Variants in GLG1 observed in about 807,000 individuals in gnomAD.
GLG1 encodes golgi glycoprotein 1, also known as Golgi apparatus protein 1.
A neutral mutation model predicts 160.5 loss-of-function variants in GLG1; 38 were observed. The ratio of observed to expected loss-of-function variants is 0.24; its 90% CI spans 0.18 to 0.31. GLG1 has a LOEUF of 0.31. Ranked by LOEUF, GLG1 falls within the 10% of genes least tolerant of loss-of-function variation. GLG1 has a pLI of 1.00. For synonymous variants in GLG1, 644 were observed against 543.4 expected (o/e 1.19, Z -2.57); for missense variants, 1,373 against 1,505.2 (o/e 0.91, Z 1.45).
rs2014977147 is a variant in GLG1 at position 74,465,764 on chromosome 16, T to C, written c.2579A>G (p.His860Arg). ...ENKKQLSTRC[H>R]QKVFKLQETE... ...CTCCTGCAGCTTAAATACTTTTTGG[T>C]GGCAGCGGGTGCTTAGCTGCTTCTT... is the stretch of plus-strand genomic sequence containing the variant. The change falls in exon 19 of 26, where the codon CAC (histidine) becomes CGC (arginine). Residue 860 changes from histidine to arginine, a missense_variant. Coordinates refer to ENST00000422840, the MANE Select transcript of GLG1 (RefSeq NM_001145667.2). 1 of 1,613,300 alleles carries C rather than the reference T, an allele frequency of 6.2e-7. No individual in the cohort carries two copies. Among genetic ancestry groups the C allele is most frequent in the East Asian group, 2.2e-5 (1 of 44,888 alleles).
At chr16:74,547,632 G>A (rs905629331) in intron 1 of GLG1, among the ~76,000 whole-genome samples, 1 of 152,238 alleles carries the variant, frequency 6.6e-6, no homozygotes, top group East Asian at 1.9e-4. Context: ...AAAATGCTTT[G>A]AATGAAAGTG....
At chr16:74,533,871 C>T (rs982301423) in intron 1 of GLG1, among the ~76,000 whole-genome samples, 1 of 152,070 alleles carries the variant, frequency 6.6e-6, no homozygotes, top group African/African-American at 2.4e-5. Context: ...TAAATATTAT[C>T]AATTTAGGTA....
At chr16:74,577,308 G>A (rs374041561) in intron 1 of GLG1, among the ~76,000 whole-genome samples, 2 of 152,040 alleles carry the variant, frequency 1.3e-5, no homozygotes, top group African/African-American at 2.4e-5. Context: ...GATCACCCAA[G>A]GTCAGGAGTT....
chr16:74,573,007 T>G (rs2018879442), intron 1 of GLG1, among the ~76,000 whole-genome samples: 1 of 152,272 alleles, frequency 6.6e-6, no homozygotes, highest in South Asian at 2.1e-4. Context: ...CAGAATTATC[T>G]GCAGAATTGG....
At chr16:74,577,943 T>C (rs1359649768) in intron 1 of GLG1, among the ~76,000 whole-genome samples, 5 of 151,616 alleles carry the variant, frequency 3.3e-5, no homozygotes, top group East Asian at 2.0e-4. Context: ...GAGGCCAAGG[T>C]AGGAGGATTA....
chr16:74,563,630 G>C (rs1000374227), intron 1 of GLG1, among the ~76,000 whole-genome samples: 4 of 151,784 alleles, frequency 2.6e-5, no homozygotes, highest in Admixed American at 6.6e-5. Flanking sequence ...GCGAGGCTGA[G>C]GTGGGAGAAC....
intron 2 of GLG1, among the ~76,000 whole-genome samples, chr16:74,514,216 T>G (rs1338533881): frequency 6.6e-6 from 1 of 152,132 alleles, no homozygotes; most frequent in Admixed American, 6.6e-5. Flanking sequence ...AAAACAATCT[T>G]CAGGATATTA....
chr16:74,542,736 A>AAGGAAG (rs1567513923), intron 1 of GLG1, among the ~76,000 whole-genome samples: 10 of 5,866 alleles, frequency 1.7e-3, no homozygotes, highest in East Asian at 9.8e-3. Flanking sequence ...GAAGGAAGGG[A>AAGGAAG]GGAAGGAAGG....
At chr16:74,545,481 C>T (rs1438172638) in intron 1 of GLG1, among the ~76,000 whole-genome samples, 1 of 152,126 alleles carries the variant, frequency 6.6e-6, no homozygotes, top group East Asian at 1.9e-4. Flanking sequence ...CCATGCCTGA[C>T]CCACTCCACC....
Position 74,456,762 on chromosome 16 carries a change from G to C in GLG1, c.3266-7C>G. ...TCCATGAGACAGGACATTTCTGTGG[G>C]AGGAAATGAATAATAAGAAGAACCT... On this transcript the variant is annotated splice_region_variant and splice_polypyrimidine_tract_variant and intron_variant, in intron 24 of 25. Coordinates refer to ENST00000422840, the MANE Select transcript of GLG1 (RefSeq NM_001145667.2). 1 of 1,531,198 alleles carries C rather than the reference G, an allele frequency of 6.5e-7. No homozygotes were observed. Among genetic ancestry groups the C allele is most frequent in the Non-Finnish European group, 9.1e-7 (1 of 1,104,320 alleles). 94.9% of individuals were successfully genotyped at this position (1,531,198 alleles called of 1,614,324 possible).
At chr16:74,478,491 G>A (rs576026762) in intron 11 of GLG1, among the ~76,000 whole-genome samples, 2 of 152,186 alleles carry the variant, frequency 1.3e-5, no homozygotes, top group Non-Finnish European at 2.9e-5. Context: ...TGGGGCAGGA[G>A]GGATGGAAAG....
intron 1 of GLG1, among the ~76,000 whole-genome samples, chr16:74,558,117 A>G (rs2018402845): frequency 6.6e-6 from 1 of 152,142 alleles, no homozygotes; most frequent in Admixed American, 6.5e-5. Flanking sequence ...TGATTTTCAT[A>G]TATTATATAC....
chr16:74,508,313 C>CAAA (rs35839355), intron 3 of GLG1, among the ~76,000 whole-genome samples: 1 of 106,212 alleles, frequency 9.4e-6, no homozygotes. Context: ...ATTATTGATT[C>CAAA]AAAAAAAAAA....
chr16:74,513,025 G>C (rs1024190162), intron 2 of GLG1, among the ~76,000 whole-genome samples: 27 of 152,300 alleles, frequency 1.8e-4, no homozygotes, highest in Non-Finnish European at 3.5e-4. Flanking sequence ...ACAGAGTTCA[G>C]AATAGCTGGA....
chr16:74,509,706 C>T (rs1047247495), intron 2 of GLG1, among the ~76,000 whole-genome samples: 2 of 151,720 alleles, frequency 1.3e-5, no homozygotes, highest in South Asian at 2.1e-4. Context: ...AAAAATTAGC[C>T]GGCGTGGTGG....
At chr16:74,457,421 A>G (rs921100172) in intron 24 of GLG1, among the ~76,000 whole-genome samples, 2 of 152,080 alleles carry the variant, frequency 1.3e-5, no homozygotes, top group Non-Finnish European at 2.9e-5. Context: ...AAATACAAAC[A>G]AACAACTTCT....
intron 1 of GLG1, among the ~76,000 whole-genome samples, chr16:74,588,552 C>G (rs1400509485): frequency 6.6e-6 from 1 of 151,926 alleles, no homozygotes; most frequent in East Asian, 1.9e-4. Flanking sequence ...CACAAGTAGC[C>G]AGGACTACAG....
At chr16:74,577,545 C>G (rs1555519008) in intron 1 of GLG1, among the ~76,000 whole-genome samples, 1 of 151,214 alleles carries the variant, frequency 6.6e-6, no homozygotes, top group Non-Finnish European at 1.5e-5. Context: ...AAAAGAATCC[C>G]AAATACAATA....
chr16:74,517,862 C>T (rs2017032322), intron 2 of GLG1, among the ~76,000 whole-genome samples: 1 of 152,126 alleles, frequency 6.6e-6, no homozygotes, highest in Non-Finnish European at 1.5e-5. Context: ...TCTCAGGATA[C>T]AAAATCAGTG....
Sources: allele counts gnomAD v4.1 joint callset (sites outside exome capture counted in the v4.1 genomes callset), GRCh38; gene constraint gnomAD v4.1.1; transcripts MANE v1.5; gene names NCBI Gene and HGNC (gene_info 2026-07-23, HGNC 2026-07-21).